Variants in SH3TC1 observed in about 807,000 individuals in gnomAD.
SH3TC1 encodes the protein SH3 domain and tetratricopeptide repeats 1, also known as SH3 domain and tetratricopeptide repeat-containing protein 1.
A neutral mutation model predicts 117.3 loss-of-function variants in SH3TC1; 135 were observed. The observed-to-expected ratio is 1.15, with a 90% confidence interval of 1.00 to 1.33. SH3TC1 has a LOEUF of 1.33. SH3TC1 is among the 40% of genes most tolerant of loss of function. The pLI, the probability that SH3TC1 is intolerant of heterozygous loss-of-function variation, is 0.00. For missense variants in SH3TC1, 2,092 were observed against 1,794.3 expected, an observed-to-expected ratio of 1.17 and a Z score of -3.00; for synonymous variants, 898 against 816.9, an observed-to-expected ratio of 1.10 and a Z score of -1.69.
chr4:8,240,123 G>A (rs1384194380), intron 17 of SH3TC1, among the ~76,000 whole-genome samples: 1 of 152,194 alleles, frequency 6.6e-6, no homozygotes, highest in Non-Finnish European at 1.5e-5. Flanking sequence ...GAGGGTCAAG[G>A]AGGAGGTCTG....
rs1223068131 is a variant in SH3TC1, at chr4:8,236,413, C to T, written c.3541C>T (p.Leu1181Phe). The T allele has an allele frequency of 2.0e-6, 3 of 1,500,276 alleles. No homozygotes were observed. In the African/African-American group the frequency reaches 4.2e-5, roughly 21 times the overall value. 92.9% of individuals were successfully genotyped at this position (1,500,276 alleles called of 1,614,324 possible). Residue 1181 changes from leucine (L) to phenylalanine (F), a missense_variant, in exon 16 of 18, where the codon CTC becomes TTC. Transcript: ENST00000245105. ...GGAGTTTGCCCACATGGCCCTAGCA[C>T]TCAGCATCACCCTGGGTAAGCCCCC... ...GLEFAHMALA[L>F]SITLGDRLNE...
rs549388492 is a variant in SH3TC1 at position 8,184,126 on chromosome 4, A to G, written c.-57+1916A>G. The stretch of plus-strand genomic sequence containing the variant: ...GTGTACACCAACCATGTATATATGC[A>G]TGTCTCTAAGTATGCCTAGATGCAA... On this transcript the variant is annotated intron_variant, in intron 1 of 16. Coordinates refer to the SH3TC1 transcript ENST00000508641. Among the ~76,000 whole-genome samples the G allele has an allele frequency of 1.2e-3, 177 of 152,322 alleles. 2 individuals carry two copies. The highest frequency in any genetic ancestry group is 3.9e-3 in the African/African-American group (164 of 41,558).
In SH3TC1 at chr4:8,219,419, T is replaced by A; in HGVS notation, c.1001T>A (p.Ile334Asn). Residue 334 changes from isoleucine (I) to asparagine (N), a missense_variant, in exon 9 of 18, where the codon ATC becomes AAC. Ile to Asn is a moderately radical substitution (Grantham distance 149). Coordinates refer to ENST00000245105, the MANE Select transcript of SH3TC1 (RefSeq NM_018986.5). ...MTFRGGDLIE[I>N]LGAQVPSLPW... ...TTCCGAGGTGGCGACCTCATCGAGA[T>A]CCTTGGGGCGCAGGTGCCCAGCCTG... 6.2e-7 allele frequency: 1 copy of A among 1,611,210 alleles called. No homozygotes were observed. Among genetic ancestry groups the A allele is most frequent in the Non-Finnish European group, 8.5e-7 (1 of 1,178,702 alleles).
Position 8,232,381 on chromosome 4 carries a change from C to T in SH3TC1, c.3131+225C>T, listed in dbSNP as rs763374241. The stretch of plus-strand genomic sequence containing the variant: ...TCCCTTGTTGGGTGACACGTCTTCC[C>T]ATCCCTGCTTGCACACCTCCCCAAA... On this transcript the variant is annotated intron_variant, in intron 13 of 17. Transcript: ENST00000245105. 17 of 1,584,364 alleles carry T rather than the reference C, an allele frequency of 1.1e-5. No homozygotes were observed. In the African/African-American group the frequency reaches 1.9e-4, roughly 17 times the overall value.
Position 8,206,832 on chromosome 4 carries a change from C to CGTGT in SH3TC1, c.172+1500_172+1503dup, listed in dbSNP as rs58753240. 0.022 allele frequency among the ~76,000 whole-genome samples: 3,134 copies of CGTGT among 144,716 alleles called. 47 individuals carry two copies. Among genetic ancestry groups the CGTGT allele is most frequent in the African/African-American group, 0.041 (1,606 of 39,278 alleles). The allele number at this position is 144,716 out of a possible 152,430, so 94.9% of individuals were successfully genotyped here. A position where few individuals can be genotyped will look rare whatever the true frequency, so the allele number is the denominator to read the frequency against. Reference sequence around the variant, plus strand: ...AGGACTTTTACTTTGTGTGTGTACTCGTGTGTGTGTGTGTGTGTGTGTGTG... The same window carrying CGTGT: ...AGGACTTTTACTTTGTGTGTGTACTCGTGTGTGTGTGTGTGTGTGTGTGTGTGTG... On this transcript the variant is annotated intron_variant, in intron 2 of 17. Coordinates refer to ENST00000245105, the MANE Select transcript of SH3TC1 (RefSeq NM_018986.5). The surrounding 1 kb of genome is among the most constrained non-coding windows in gnomAD (Gnocchi z 5.5).
intron 6 of SH3TC1, 105 bp from the exon 7 acceptor site, chr4:8,216,852 C>T (rs1227706869): frequency 7.6e-6 from 9 of 1,192,030 alleles, no homozygotes; most frequent in Non-Finnish European, 1.1e-5. Context: ...GGGGGCCGCT[C>T]CTGTGGGTGT....
At chr4:8,239,531 C>T (rs1215863708) in intron 17 of SH3TC1, among the ~76,000 whole-genome samples, 1 of 151,184 alleles carries the variant, frequency 6.6e-6, no homozygotes, top group African/African-American at 2.4e-5. Context: ...CACAGGCACA[C>T]ACACAGACAT....
At chr4:8,199,597 C>T (rs1459267872) in intron 1 of SH3TC1, among the ~76,000 whole-genome samples, 192 bp downstream of exon 1, 1 of 152,230 alleles carries the variant, frequency 6.6e-6, no homozygotes, top group East Asian at 1.9e-4. Flanking sequence ...ACTCAGAGCT[C>T]ACAGGTGCTG....
intron 1 of SH3TC1, among the ~76,000 whole-genome samples, chr4:8,182,511 C>A (rs1413881147): frequency 6.6e-6 from 1 of 152,144 alleles, no homozygotes; most frequent in Non-Finnish European, 1.5e-5. Context: ...GGAGTGCTGT[C>A]TCCCCAGGAT....
Position 8,190,706 on chromosome 4 carries a change from T to C in SH3TC1, c.-57+8496T>C, listed in dbSNP as rs1346422951. 6.6e-6 allele frequency among the ~76,000 whole-genome samples: 1 copy of C among 151,824 alleles called. No individual in the cohort carries two copies. The highest frequency in any genetic ancestry group is 1.5e-5 in the Non-Finnish European group (1 of 67,944). On this transcript the variant is annotated intron_variant, in intron 1 of 16. Transcript: ENST00000508641. The surrounding 1 kb of genome is among the most constrained non-coding windows in gnomAD (Gnocchi z 4.7). ...CCCAGGCTGGAGTGCAGTAGTGTGG[T>C]TATCGCTCGCTGCAGCCTCCAACTC...
upstream of SH3TC1, among the ~76,000 whole-genome samples, chr4:8,196,773 G>A (rs1041607560): frequency 4.6e-5 from 7 of 152,124 alleles, no homozygotes; most frequent in African/African-American, 1.7e-4. The surrounding 1 kb of genome is among the most constrained non-coding windows in gnomAD (Gnocchi z 4.6). Context: ...AGGGTGGGGT[G>A]CTGAGGGCTG....
At chr4:8,187,820 G>A (rs150325703) in intron 1 of SH3TC1, among the ~76,000 whole-genome samples, 2 of 152,276 alleles carry the variant, frequency 1.3e-5, no homozygotes, top group South Asian at 4.1e-4. Flanking sequence ...AAAGTGCTGG[G>A]ATTACAGGCG....
chr4:8,209,880 C>G lies in SH3TC1; in HGVS notation c.247+58C>G. 1 of 1,556,444 alleles carries G rather than the reference C, an allele frequency of 6.4e-7. No individual in the cohort carries two copies. Among genetic ancestry groups the G allele is most frequent in the Non-Finnish European group, 8.8e-7 (1 of 1,140,692 alleles). ...GTTCAAATCCGGGCTGTGCCGCTCC[C>G]TGGGCATCCAAGAGTCCAACCCAGG... On this transcript the variant is annotated intron_variant, in intron 3 of 17. Transcript: ENST00000245105. This position sits in a 1 kb window ranked among gnomAD's most constrained non-coding sequence, Gnocchi z 5.9.
intron 1 of SH3TC1, among the ~76,000 whole-genome samples, chr4:8,184,434 C>T (rs754407575): frequency 2.1e-4 from 31 of 150,566 alleles, no homozygotes; most frequent in Admixed American, 1.9e-3. Context: ...GGCTGGAGTG[C>T]AGTGGTGTGA....
rs41266527 is a variant in SH3TC1, at chr4:8,219,381, C to G, written c.963C>G (p.Pro321=). ...TGGCAGACTTCCAGGGCTCGGGGCC[C>G]GAAGAGATGACCTTCCGAGGTGGCG... is the stretch of plus-strand genomic sequence containing the variant. ...SALADFQGSG[P]EEMTFRGGDL... Residue 321 remains proline (P), a synonymous_variant, in exon 9 of 18, where the codon CCC becomes CCG. Coordinates refer to ENST00000245105, the MANE Select transcript of SH3TC1 (RefSeq NM_018986.5). 1.9e-6 allele frequency: 3 copies of G among 1,608,628 alleles called. No individual in the cohort carries two copies. Among genetic ancestry groups the G allele is most frequent in the Non-Finnish European group, 2.5e-6 (3 of 1,176,752 alleles).
Position 8,217,117 on chromosome 4 carries a change from C to G in SH3TC1, c.789C>G (p.Ser263=). The change falls in exon 7 of 18, where the codon TCC becomes TCG. Residue 263 remains serine, a synonymous_variant. Coordinates refer to ENST00000245105, the MANE Select transcript of SH3TC1 (RefSeq NM_018986.5). ...DSSPPSPSVS[S]EEVAVAAAPE... is the part of the protein sequence containing the mutation. ...CACCGCCGAGCCCCAGCGTGTCCTC[C>G]GAGGAGGTGGCAGTGGCGGCCGCCC... is the stretch of plus-strand genomic sequence containing the variant. The G allele has an allele frequency of 2.5e-6, 4 of 1,613,692 alleles. No homozygotes were observed. The South Asian group carries it at 3.3e-5, about 13-fold the overall frequency.
At position 8,228,316 on chromosome 4, in the gene SH3TC1, G is replaced by A; in HGVS notation, c.2622G>A (p.Lys874=). The change falls in exon 12 of 18, where the codon AAG becomes AAA. Residue 874 remains lysine (K), a synonymous_variant. Transcript: ENST00000245105. ...VIANMVAVAL[K]RTGRTRQAAE... is the part of the protein sequence containing the mutation. Reference sequence around the variant, plus strand: ...CCAACATGGTGGCCGTGGCTCTGAAGAGGACGGGCCGGACGAGGCAGGCAG... The same window carrying A: ...CCAACATGGTGGCCGTGGCTCTGAAAAGGACGGGCCGGACGAGGCAGGCAG... 6.2e-7 allele frequency: 1 copy of A among 1,612,164 alleles called. No homozygotes were observed. The highest frequency in any genetic ancestry group is 8.5e-7 in the Non-Finnish European group (1 of 1,179,912).
rs940552824 is a variant in SH3TC1, at chr4:8,205,044, G to T, written c.-28-123G>T. ...GCACGGTGCGGTGAGGGGCTCGCTGGATCTGAAAGGTGCAGGCGCTCAGCA... is the reference window on the plus strand; with the variant it reads ...GCACGGTGCGGTGAGGGGCTCGCTGTATCTGAAAGGTGCAGGCGCTCAGCA... On this transcript the variant is annotated intron_variant, in intron 1 of 17. Transcript: ENST00000245105. The surrounding 1 kb of genome is among the most constrained non-coding windows in gnomAD (Gnocchi z 5.4). The T allele has an allele frequency of 5.5e-6, 4 of 722,608 alleles. No homozygotes were observed. Among genetic ancestry groups the T allele is most frequent in the Non-Finnish European group, 8.5e-6 (4 of 470,254 alleles). 44.8% of individuals were successfully genotyped at this position (722,608 alleles called of 1,614,324 possible). A position where few individuals can be genotyped will look rare whatever the true frequency, so the allele number is the denominator to read the frequency against.
At position 8,219,351 on chromosome 4, in the gene SH3TC1, G is replaced by A. The variant is rs373764407; in HGVS notation, c.933G>A (p.Ser311=). 3.3e-5 allele frequency: 53 copies of A among 1,595,196 alleles called. No individual in the cohort carries two copies. Among genetic ancestry groups the A allele is most frequent in the Non-Finnish European group, 4.0e-5 (47 of 1,167,434 alleles). The change falls in exon 9 of 18, where the codon TCG becomes TCA. Residue 311 remains serine, a synonymous_variant. Transcript: ENST00000245105. The stretch of plus-strand genomic sequence containing the variant: ...CTTCCGCAGCTGTGGGCCTGGCCTC[G>A]GCATTGGCAGACTTCCAGGGCTCGG... ...GNPLMAVGLA[S]ALADFQGSGP...
Sources: allele counts gnomAD v4.1 joint callset (sites outside exome capture counted in the v4.1 genomes callset), GRCh38; gene constraint gnomAD v4.1.1; non-coding constraint Gnocchi (gnomAD v3.1); transcripts MANE v1.5; gene names NCBI Gene and HGNC (gene_info 2026-07-23, HGNC 2026-07-21).